The following FREM1 variants were observed in gnomAD, a reference collection of about 807,000 sequenced individuals.
The protein encoded by FREM1 is FRAS1-related extracellular matrix protein 1.
FREM1 carries 220 observed loss-of-function variants against 210.1 expected under a neutral mutation model. The observed-to-expected ratio is 1.05, with a 90% CI of 0.94 to 1.17. FREM1 has a LOEUF of 1.17. Ranked by LOEUF, FREM1 falls within the 50% of genes most tolerant of loss-of-function variation. The probability of loss-of-function intolerance (pLI) is 0.00; values close to 1 mark genes in which losing one functional copy is unlikely to be tolerated. For missense variants in FREM1, 3,454 were observed against 2,675.5 expected, an observed-to-expected ratio of 1.29 and a Z score of -6.42; for synonymous variants, 1,189 against 980.2, an observed-to-expected ratio of 1.21 and a Z score of -3.98.
chr9:14,786,889 C>T (rs72711305), intron 23 of FREM1, among the ~76,000 whole-genome samples: 3,911 of 152,202 alleles, frequency 0.026, 76 homozygotes, highest in East Asian at 0.069. Flanking sequence ...GTGGGGGAAA[C>T]ACAAAGCACC....
chr9:14,770,518 G>C, intron 26 of FREM1, 87 bp downstream of exon 26: 1 of 939,350 alleles, frequency 1.1e-6, no homozygotes, highest in Non-Finnish European at 1.7e-6. Context: ...TTACCAAATG[G>C]GCCTGCACTT....
chr9:14,780,166 T>G (rs1381730698), intron 24 of FREM1, among the ~76,000 whole-genome samples: 2 of 152,096 alleles, frequency 1.3e-5, no homozygotes, highest in African/African-American at 4.8e-5. Flanking sequence ...AAGTTGGTGG[T>G]AGCAGCTCCT....
At position 14,864,138 on chromosome 9, in the gene FREM1, TTCAAGAAAATTAGTTAA is replaced by T. The variant is rs200580998; in HGVS notation, c.235-252_235-236del. The stretch of plus-strand genomic sequence containing the variant: ...ATCTAAGTTGTGAAAACCAAAGCAG[TTCAAGAAAATTAGTTAA>T]GGGATGATTACGTCTCTAAATAAGT... On this transcript the variant is annotated intron_variant, in intron 2 of 36. Transcript: ENST00000380880. Among the ~76,000 whole-genome samples, 190 of 152,296 alleles carry T rather than the reference TTCAAGAAAATTAGTTAA, an allele frequency of 1.2e-3. 2 individuals are homozygous for T. The East Asian group carries it at 0.022, about 17-fold the overall frequency.
chr9:14,898,999 C>T (rs1838283281), intron 1 of FREM1, among the ~76,000 whole-genome samples: 1 of 152,174 alleles, frequency 6.6e-6, no homozygotes, highest in African/African-American at 2.4e-5. Flanking sequence ...TGAGTTGAGC[C>T]ATCTTTTGAC....
chr9:14,792,870 G>T lies in FREM1; in HGVS notation c.3854C>A (p.Ala1285Glu). 2 of 1,577,802 alleles carry T rather than the reference G, an allele frequency of 1.3e-6. No homozygotes were observed. Among genetic ancestry groups the T allele is most frequent in the Admixed American group, 1.8e-5 (1 of 54,844 alleles). The stretch of plus-strand genomic sequence containing the variant: ...AATACGAGTTTCACCCATATTCATT[G>T]CAATTTCAGCCTTCCTGTAAAAAGA... ...KPMLSKKAEI[A>E]MNMGETRIIS... Residue 1285 changes from alanine (A) to glutamate (E), a missense_variant, in exon 22 of 37, where the codon GCA (alanine) becomes GAA (glutamate). Transcript: ENST00000380880.
chr9:14,744,415 CT>C (rs1842069353), intron 35 of FREM1, among the ~76,000 whole-genome samples: 1 of 152,088 alleles, frequency 6.6e-6, no homozygotes, highest in Admixed American at 6.6e-5. Flanking sequence ...ATTCCACAAT[CT>C]TACCAAAGAT....
chr9:14,847,712 A>G (rs1182754771), intron 7 of FREM1, among the ~76,000 whole-genome samples: 1 of 152,192 alleles, frequency 6.6e-6, no homozygotes, highest in Non-Finnish European at 1.5e-5. Context: ...TTTATTTTAA[A>G]AGGGATTCTG....
chr9:14,770,844 GC>G (rs1365191764), intron 25 of FREM1, 38 bp from the exon 26 acceptor site: 103 of 1,487,890 alleles, frequency 6.9e-5, no homozygotes, highest in Non-Finnish European at 9.4e-5. Context: ...TTGTCCAAAG[GC>G]CCCTCACCCC....
chr9:14,874,727 T>C (rs1833367243), intron 1 of FREM1, among the ~76,000 whole-genome samples: 1 of 152,226 alleles, frequency 6.6e-6, no homozygotes, highest in Admixed American at 6.5e-5. Flanking sequence ...TAGCTGGTTA[T>C]TTTGCTCATT....
rs745433026 is a variant in FREM1, at chr9:14,769,811, T to C, written c.5117A>G (p.Tyr1706Cys). 18 of 1,608,274 alleles carry C rather than the reference T, an allele frequency of 1.1e-5. No homozygotes were observed. The highest frequency in any genetic ancestry group is 1.7e-6 in the Non-Finnish European group (2 of 1,175,592). ...QKDLNSKTIL[Y>C]IINPSLEVNS... is the part of the protein sequence containing the mutation. ...TACTTCCAAAGATGGGTTTATGATGTAAAGAATAGTCTTACTGTTTAAGTC... is the reference window on the plus strand; with the variant it reads ...TACTTCCAAAGATGGGTTTATGATGCAAAGAATAGTCTTACTGTTTAAGTC... Residue 1706 changes from tyrosine (Y) to cysteine (C), a missense_variant, in exon 27 of 37, where the codon TAC becomes TGC. Transcript: ENST00000380880.
chr9:14,887,749 C>T (rs1836067827), intron 1 of FREM1, among the ~76,000 whole-genome samples: 1 of 152,082 alleles, frequency 6.6e-6, no homozygotes, highest in Non-Finnish European at 1.5e-5. Flanking sequence ...TACATTCTTC[C>T]TATGCATCTT....
chr9:14,793,075 G>A (rs960963472), intron 21 of FREM1, among the ~76,000 whole-genome samples, 191 bp from the exon 22 acceptor site: 2 of 152,204 alleles, frequency 1.3e-5, no homozygotes, highest in Admixed American at 1.3e-4. Context: ...AGTCTGAAAA[G>A]ACAATGGGTC....
At chr9:14,843,928 C>T (rs1411157868) in intron 8 of FREM1, among the ~76,000 whole-genome samples, 1 of 152,172 alleles carries the variant, frequency 6.6e-6, no homozygotes, top group African/African-American at 2.4e-5. Context: ...CCAGTTCTGC[C>T]ATTTTCTAGG....
intron 28 of FREM1, among the ~76,000 whole-genome samples, chr9:14,757,660 G>A (rs1844670268): frequency 1.3e-5 from 2 of 152,218 alleles, no homozygotes; most frequent in South Asian, 4.1e-4. Flanking sequence ...AGATGTTTAA[G>A]ATGGTCAGGA....
At position 14,776,064 on chromosome 9, in the gene FREM1, CA is replaced by C. The variant is rs1305790285; in HGVS notation, c.4581del (p.Asp1528ThrfsTer5). 2 of 1,613,674 alleles carry C rather than the reference CA, an allele frequency of 1.2e-6. No individual in the cohort carries two copies. Among genetic ancestry groups the C allele is most frequent in the African/African-American group, 1.3e-5 (1 of 75,048 alleles). On this transcript the variant is annotated frameshift_variant, in exon 25 of 37. Transcript: ENST00000380880. LOFTEE classifies it high-confidence loss of function. ...TCAGGGTCGGTCAGCTGAAGGAGGT[CA>C]GGGGAAAGCAGGCCCACGGCCCCTT... is the stretch of plus-strand genomic sequence containing the variant. ...LAQGAVGLLS[P>X]DLLQLTDPDT... is the part of the protein sequence containing the mutation.
chr9:14,898,829 C>T (rs1301558689), intron 1 of FREM1, among the ~76,000 whole-genome samples: 4 of 152,136 alleles, frequency 2.6e-5, no homozygotes, highest in East Asian at 3.9e-4. Flanking sequence ...ATTGCTCATC[C>T]ATTGTAACAA....
At chr9:14,892,744 G>A (rs926834942) in intron 1 of FREM1, among the ~76,000 whole-genome samples, 4 of 152,098 alleles carry the variant, frequency 2.6e-5, no homozygotes, top group Non-Finnish European at 5.9e-5. Flanking sequence ...ACAAGCTGCC[G>A]CCTGAACTTT....
chr9:14,807,503 G>T (rs1563975887), intron 17 of FREM1, among the ~76,000 whole-genome samples: 1 of 152,014 alleles, frequency 6.6e-6, no homozygotes, highest in Admixed American at 6.6e-5. Flanking sequence ...AGCAAATAAG[G>T]TTAAATGTAT....
At chr9:14,795,415 T>G (rs1217231390) in intron 21 of FREM1, among the ~76,000 whole-genome samples, 2 of 152,134 alleles carry the variant, frequency 1.3e-5, no homozygotes, top group Non-Finnish European at 2.9e-5. Context: ...TTTGTCTTGT[T>G]AACAGAGGAA....
Sources: allele counts gnomAD v4.1 joint callset (sites outside exome capture counted in the v4.1 genomes callset), GRCh38; gene constraint gnomAD v4.1.1; transcripts MANE v1.5; gene names NCBI Gene and HGNC (gene_info 2026-07-23, HGNC 2026-07-21).